The following EPHA5 variants were observed in gnomAD, a reference collection of about 807,000 sequenced individuals.
EPHA5 encodes the protein EPH receptor A5.
EPHA5 carries 60 observed loss-of-function variants against 105.0 expected under a neutral mutation model. The observed-to-expected ratio is 0.57, with a 90% CI of 0.46 to 0.71. The LOEUF is 0.71. Among genes scored for constraint, EPHA5 ranks in the 30% least tolerant of loss-of-function variants. The pLI, the probability that EPHA5 is intolerant of heterozygous loss-of-function variation, is 0.00. For missense variants in EPHA5, 1,218 were observed against 1,274.7 expected (o/e 0.96, Z 0.68); for synonymous variants, 513 against 449.1 (o/e 1.14, Z -1.80).
rs1348531195 is a variant in EPHA5, at chr4:65,471,234, T to G, written c.1402+19143A>C. On this transcript the variant is annotated intron_variant, in intron 5 of 16. Coordinates refer to ENST00000613740, the MANE Select transcript of EPHA5 (RefSeq NM_001281766.3). Reference sequence around the variant, plus strand: ...GTCCTAACTCCTAGAAAAACAGACATAAATCTCATAAACAAGGGCATATCT... The same window carrying G: ...GTCCTAACTCCTAGAAAAACAGACAGAAATCTCATAAACAAGGGCATATCT... Among the ~76,000 whole-genome samples the G allele has an allele frequency of 2.0e-5, 3 of 152,310 alleles. No homozygotes were observed. The East Asian group carries it at 5.8e-4, about 29-fold the overall frequency.
At chr4:65,662,166 A>C (rs1422069945) in intron 1 of EPHA5, among the ~76,000 whole-genome samples, 2 of 151,984 alleles carry the variant, frequency 1.3e-5, no homozygotes, top group African/African-American at 4.8e-5. Flanking sequence ...AAATGAAAAT[A>C]AGAGTGTAAA....
chr4:65,601,854 A>AT lies in EPHA5; in HGVS notation c.696dup (p.Cys233MetfsTer13). The AT allele has an allele frequency of 6.2e-7, 1 of 1,614,146 alleles. No individual in the cohort carries two copies. The highest frequency in any genetic ancestry group is 8.5e-7 in the Non-Finnish European group (1 of 1,180,014). The stretch of plus-strand genomic sequence containing the variant: ...GCCAAGTGTCGTACCACAGAAGGGC[A>AT]TTTTTTATAGTATACACGCACAGAA... On this transcript the variant is annotated frameshift_variant, in exon 3 of 17. Coordinates refer to ENST00000613740, the MANE Select transcript of EPHA5 (RefSeq NM_001281766.3). LOFTEE classifies it high-confidence loss of function.
At chr4:65,617,064 AT>A (rs1260550969) in intron 2 of EPHA5, among the ~76,000 whole-genome samples, 1 of 152,096 alleles carries the variant, frequency 6.6e-6, no homozygotes, top group East Asian at 1.9e-4. Context: ...TCTTTTGTTA[AT>A]AACACACATT....
chr4:65,532,755 T>C (rs188316174), intron 3 of EPHA5, among the ~76,000 whole-genome samples: 9 of 151,346 alleles, frequency 5.9e-5, no homozygotes, highest in Non-Finnish European at 1.2e-4. Context: ...ATAAAACAAC[T>C]GTAACCTCTA....
intron 5 of EPHA5, among the ~76,000 whole-genome samples, chr4:65,468,408 TTGA>T (rs1243893868): frequency 6.7e-6 from 1 of 150,046 alleles, no homozygotes; most frequent in Non-Finnish European, 1.5e-5. Flanking sequence ...AATCTATAAA[TTGA>T]TGAGAAATAT....
rs72642654 is a variant in EPHA5 at position 65,604,507 on chromosome 4, G to A, written c.247-2203C>T. Among the ~76,000 whole-genome samples the A allele has an allele frequency of 6.1e-3, 926 of 152,216 alleles. 5 individuals are homozygous for A. The highest frequency in any genetic ancestry group is 9.7e-3 in the Non-Finnish European group (663 of 68,010). On this transcript the variant is annotated intron_variant, in intron 2 of 16. Transcript: ENST00000613740. ...TATTTCTAGTGAGCAAATAGAATGA[G>A]TTTAATTTAAATAATTATGGCCATA... is the stretch of plus-strand genomic sequence containing the variant.
intron 16 of EPHA5, among the ~76,000 whole-genome samples, chr4:65,327,497 A>G (rs1720196946): frequency 6.6e-6 from 1 of 151,258 alleles, no homozygotes; most frequent in Non-Finnish European, 1.5e-5. Flanking sequence ...GCCACAAATG[A>G]TGTTTTCTCC....
At chr4:65,594,148 T>C (rs2149422048) in intron 3 of EPHA5, among the ~76,000 whole-genome samples, 1 of 152,292 alleles carries the variant, frequency 6.6e-6, no homozygotes, top group East Asian at 1.9e-4. Flanking sequence ...ATTTAAATGT[T>C]GTGAATTTTA....
At chr4:65,590,903 A>C (rs1742577454) in intron 3 of EPHA5, among the ~76,000 whole-genome samples, 1 of 152,174 alleles carries the variant, frequency 6.6e-6, no homozygotes, top group South Asian at 2.1e-4. Context: ...ATAGTAATTA[A>C]GTGTGTTTTT....
intron 6 of EPHA5, among the ~76,000 whole-genome samples, chr4:65,418,433 T>A (rs1220249855): frequency 6.6e-6 from 1 of 152,194 alleles, no homozygotes; most frequent in Non-Finnish European, 1.5e-5. Flanking sequence ...TTCCACTTGA[T>A]TAACTACAGT....
At chr4:65,508,933 C>G (rs59678769) in intron 3 of EPHA5, among the ~76,000 whole-genome samples, 8,795 of 152,166 alleles carry the variant, frequency 0.058, 868 homozygotes, top group African/African-American at 0.2. Flanking sequence ...CATACAGTTG[C>G]TTTAAACTAC....
At chr4:65,659,353 A>C (rs1311025780) in intron 1 of EPHA5, among the ~76,000 whole-genome samples, 3 of 91,460 alleles carry the variant, frequency 3.3e-5, no homozygotes, top group African/African-American at 1.0e-4. Flanking sequence ...AAAAAAAAAA[A>C]AAAAACAGGA....
intron 14 of EPHA5, among the ~76,000 whole-genome samples, chr4:65,345,916 G>A (rs776387365): frequency 3.9e-5 from 6 of 151,990 alleles, no homozygotes; most frequent in African/African-American, 7.2e-5. Context: ...GGGACTACAG[G>A]CGCCCGCCAC....
intron 5 of EPHA5, among the ~76,000 whole-genome samples, chr4:65,434,548 T>C (rs1199762345): frequency 6.6e-6 from 1 of 152,156 alleles, no homozygotes; most frequent in Non-Finnish European, 1.5e-5. Context: ...CAAATTAATA[T>C]CTTATTTGTA....
intron 1 of EPHA5, among the ~76,000 whole-genome samples, chr4:65,650,000 GATTAACAAATGAT>G (rs1214064762): frequency 2.8e-4 from 43 of 151,998 alleles, no homozygotes; most frequent in South Asian, 2.1e-4. Context: ...AAAAATTCTT[GATTAACAAATGAT>G]ATTAACAAAT....
chr4:65,490,722 A>C lies in EPHA5; in HGVS notation c.1067-10T>G. The C allele has an allele frequency of 6.2e-7, 1 of 1,608,754 alleles. No individual in the cohort carries two copies. The highest frequency in any genetic ancestry group is 8.5e-7 in the Non-Finnish European group (1 of 1,176,132). Reference sequence around the variant, plus strand: ...GGAGCAGAGGGGGGTCCTGGTTTACAAAGTAAAGTAAGAAAAACATATTTT... The same window carrying C: ...GGAGCAGAGGGGGGTCCTGGTTTACCAAGTAAAGTAAGAAAAACATATTTT... On this transcript the variant is annotated splice_polypyrimidine_tract_variant and intron_variant, in intron 4 of 16. Coordinates refer to ENST00000613740, the MANE Select transcript of EPHA5 (RefSeq NM_001281766.3).
intron 11 of EPHA5, among the ~76,000 whole-genome samples, chr4:65,361,651 A>G (rs1162609149): frequency 6.6e-6 from 1 of 151,710 alleles, no homozygotes; most frequent in Admixed American, 6.6e-5. Context: ...TAAATTTACA[A>G]AGTAAGTCAA....
intron 3 of EPHA5, among the ~76,000 whole-genome samples, chr4:65,518,792 AT>A (rs1734368400): frequency 6.6e-6 from 1 of 152,150 alleles, no homozygotes; most frequent in African/African-American, 2.4e-5. Flanking sequence ...GAGTACAACA[AT>A]AACAGGCTCT....
intron 15 of EPHA5, among the ~76,000 whole-genome samples, chr4:65,332,994 C>A (rs1720785139): frequency 6.6e-6 from 1 of 151,580 alleles, no homozygotes; most frequent in African/African-American, 2.4e-5. Flanking sequence ...CAAAATGTAA[C>A]CCCAAATACA....
Sources: allele counts gnomAD v4.1 joint callset (sites outside exome capture counted in the v4.1 genomes callset), GRCh38; gene constraint gnomAD v4.1.1; transcripts MANE v1.5; gene names NCBI Gene and HGNC (gene_info 2026-07-23, HGNC 2026-07-21).